The following RGS12 variants were observed in gnomAD, a reference collection of about 807,000 sequenced individuals.
RGS12 encodes the protein regulator of G-protein signaling 12.
Under a neutral mutation model 120.1 loss-of-function variants are expected in RGS12, and 66 were observed. The ratio of observed to expected loss-of-function variants is 0.55; its 90% CI spans 0.45 to 0.67. The LOEUF (loss-of-function observed/expected upper bound fraction) is 0.67, where lower values mean the gene tolerates loss of function less well. RGS12 is among the 30% of genes least tolerant of loss of function. The pLI is 0.00. For missense variants in RGS12, 1,859 were observed against 1,957.7 expected (o/e 0.95, Z 0.95); for synonymous variants, 827 against 804.7 (o/e 1.03, Z -0.47).
chr4:3,299,870 A>C (rs1309095065), intron 1 of RGS12, among the ~76,000 whole-genome samples: 1 of 152,122 alleles, frequency 6.6e-6, no homozygotes, highest in East Asian at 1.9e-4. Flanking sequence ...CCAGAGGCCC[A>C]TGACCCCTGG....
At chr4:3,432,005 C>G in intron 17 of RGS12, 1 of 985,462 alleles carries the variant, frequency 1.0e-6, no homozygotes. Context: ...ACAGCCAGGA[C>G]ACGCCTGGAT....
At chr4:3,343,964 C>T (rs969626591) in intron 3 of RGS12, among the ~76,000 whole-genome samples, 7 of 152,314 alleles carry the variant, frequency 4.6e-5, no homozygotes, top group Non-Finnish European at 7.3e-5. Flanking sequence ...GAGTATATGA[C>T]GATGATTGAT....
chr4:3,321,556 A>C (rs1351864726), intron 2 of RGS12, among the ~76,000 whole-genome samples: 1 of 152,188 alleles, frequency 6.6e-6, no homozygotes, highest in Non-Finnish European at 1.5e-5. Flanking sequence ...GTGCCCCGTT[A>C]GGCTACCCAG....
Position 3,430,684 on chromosome 4 carries a change from C to T in RGS12, c.3843C>T (p.Pro1281=), listed in dbSNP as rs1724182818. 1 of 1,581,008 alleles carries T rather than the reference C, an allele frequency of 6.3e-7. No individual in the cohort carries two copies. Among genetic ancestry groups the T allele is most frequent in the South Asian group, 1.2e-5 (1 of 86,146 alleles). The stretch of plus-strand genomic sequence containing the variant: ...CCAGCCCGGGCTCAGCCTCCAGCCC[C>T]CCTGGACCTCCTGGGACGACCCCCC... The part of the protein sequence containing the change: ...PSTSPGSASS[P]PGPPGTTPPG... The change falls in exon 17 of 18, where the codon CCC becomes CCT. Residue 1281 remains proline, a synonymous_variant. Transcript: ENST00000336727.
intron 2 of RGS12, among the ~76,000 whole-genome samples, chr4:3,340,322 C>G (rs1485432417): frequency 2.0e-5 from 3 of 152,238 alleles, no homozygotes; most frequent in Non-Finnish European, 4.4e-5. Flanking sequence ...GGGGGAGATT[C>G]CTCATGGCTG....
At chr4:3,382,229 T>C (rs912397422) in intron 3 of RGS12, among the ~76,000 whole-genome samples, 1 of 152,212 alleles carries the variant, frequency 6.6e-6, no homozygotes, top group African/African-American at 2.4e-5. Flanking sequence ...ATTGATGACA[T>C]AACTTCTAAA....
In RGS12 at chr4:3,423,639, C is replaced by A. The variant is rs1253983283; in HGVS notation, c.3232C>A (p.Leu1078Met). 4 of 1,606,918 alleles carry A rather than the reference C, an allele frequency of 2.5e-6. No individual in the cohort carries two copies. In the Admixed American group the frequency reaches 5.0e-5, roughly 20 times the overall value. ...GGACCTCAGTGGCCTGCTGGTGAGG[C>A]TGGTGAGTGTTGCACGGGGCCCGGG... Reference protein sequence around the residue: ...GLDLSGLLVRLSGEKEPLDLG... With the variant: ...GLDLSGLLVRMSGEKEPLDLG... Residue 1078 changes from leucine (L) to methionine (M), a missense_variant and splice_region_variant, in exon 13 of 18, where the codon CTG becomes ATG. By Grantham distance (15) the Leu-to-Met change is conservative. Around this residue, in one of 3 missense-constraint regions of RGS12, gnomAD observed 517 missense variants for 488.5 expected, o/e 1.06. Transcript: ENST00000336727.
chr4:3,311,084 G>C (rs971729900), intron 1 of RGS12, among the ~76,000 whole-genome samples: 1 of 152,176 alleles, frequency 6.6e-6, no homozygotes, highest in Admixed American at 6.5e-5. Context: ...ATTGCAGCCC[G>C]TGGGGTCACC....
chr4:3,362,868 GGT>G (rs747669926), intron 3 of RGS12, among the ~76,000 whole-genome samples: 1,498 of 121,676 alleles, frequency 0.012, 24 homozygotes, highest in African/African-American at 0.045. Flanking sequence ...TGTGTGCGAG[GGT>G]GTGTGTGTGT....
At chr4:3,391,255 C>A (rs1048542432) in intron 4 of RGS12, among the ~76,000 whole-genome samples, 5 of 152,212 alleles carry the variant, frequency 3.3e-5, no homozygotes, top group African/African-American at 1.2e-4. Context: ...AGGAGTCAGA[C>A]TGGAGATTTT....
intron 3 of RGS12, among the ~76,000 whole-genome samples, chr4:3,368,905 G>T (rs1054148020): frequency 6.6e-6 from 1 of 152,082 alleles, no homozygotes; most frequent in Non-Finnish European, 1.5e-5. Context: ...CATGCCTGTC[G>T]TACCTAATGT....
At chr4:3,396,889 A>G in intron 4 of RGS12, among the ~76,000 whole-genome samples, 1 of 151,034 alleles carries the variant, frequency 6.6e-6, no homozygotes, top group East Asian at 1.9e-4. Flanking sequence ...AGCCACATGC[A>G]GCCATTGACA....
At chr4:3,362,739 G>T (rs1037101950) in intron 3 of RGS12, among the ~76,000 whole-genome samples, 18 of 126,136 alleles carry the variant, frequency 1.4e-4, no homozygotes, top group Non-Finnish European at 2.8e-4. Flanking sequence ...GAGGATGTCT[G>T]TGTGAGGGTG....
chr4:3,400,682 GTATTAGTATTAGTAATACTAATTGCT>G (rs1240970311), intron 4 of RGS12, among the ~76,000 whole-genome samples: 3 of 148,398 alleles, frequency 2.0e-5, no homozygotes, highest in African/African-American at 7.4e-5. Flanking sequence ...ATTAGAATTA[GTATTAGTATTAGTAATACTAATTGCT>G]TATTAGTATT....
chr4:3,439,589 G>T lies in RGS12; in HGVS notation c.4249G>T (p.Gly1417Cys), dbSNP rs1358301279. The change falls in exon 18 of 18, where the codon GGT becomes TGT. Residue 1417 changes from glycine to cysteine, a missense_variant. Physicochemically the swap from Gly to Cys is radical, Grantham distance 159. Around this residue, in one of 3 missense-constraint regions of RGS12, gnomAD observed 517 missense variants for 488.5 expected, o/e 1.06. Transcript: ENST00000336727. ...QAGPGRSQAS[G>C]GPPTSDLPGL... is the part of the protein sequence containing the mutation. ...TGGCCCTGGGAGGTCGCAGGCCAGT[G>T]GTGGGCCTCCTACATCAGACCTCCC... 6.2e-7 allele frequency: 1 copy of T among 1,610,540 alleles called. No homozygotes were observed. Among genetic ancestry groups the T allele is most frequent in the Non-Finnish European group, 8.5e-7 (1 of 1,178,738 alleles).
At chr4:3,373,837 CT>C in intron 3 of RGS12, among the ~76,000 whole-genome samples, 1 of 152,374 alleles carries the variant, frequency 6.6e-6, no homozygotes, top group East Asian at 1.9e-4. Context: ...TTCTGACACT[CT>C]GAGTCTCGTC....
chr4:3,318,232 C>A (rs1724938734), intron 2 of RGS12, among the ~76,000 whole-genome samples, 181 bp downstream of exon 2: 2 of 152,246 alleles, frequency 1.3e-5, no homozygotes, highest in African/African-American at 4.8e-5. Context: ...CTTGCTGGGA[C>A]CTCTTGCCCC....
Position 3,316,582 on chromosome 4 carries a change from G to A in RGS12, c.412G>A (p.Val138Met), listed in dbSNP as rs1022988821. ...ALGINRAERV[V>M]EEMQSGGIFN... is the part of the protein sequence containing the mutation. ...AGGTATAAACAGAGCAGAGCGAGTC[G>A]TGGAGGAAATGCAGTCTGGTGGAAT... Residue 138 changes from valine to methionine, a missense_variant, in exon 2 of 18, where the codon GTG becomes ATG. Physicochemically the swap from Val to Met is conservative, Grantham distance 21 (BLOSUM62 1). Around this residue, in one of 3 missense-constraint regions of RGS12, gnomAD observed 967 missense variants for 994.2 expected, o/e 0.97. Coordinates refer to ENST00000336727, the MANE Select transcript of RGS12 (RefSeq NM_001394154.1). 73 of 1,614,150 alleles carry A rather than the reference G, an allele frequency of 4.5e-5. No homozygotes were observed. In the Admixed American group the frequency reaches 6.7e-4, roughly 15 times the overall value.
At chr4:3,315,514 G>T (rs1245044270) in intron 1 of RGS12, among the ~76,000 whole-genome samples, 1 of 152,188 alleles carries the variant, frequency 6.6e-6, no homozygotes, top group Non-Finnish European at 1.5e-5. Flanking sequence ...ATTAATGTGG[G>T]AGGGTCATGG....
Sources: gnomAD v4.1 joint callset for allele counts (sites outside exome capture counted in the v4.1 genomes callset) on GRCh38, gnomAD v4.1.1 for gene constraint, gnomAD v4.1.1 regional missense constraint, MANE v1.5 for transcripts, NCBI Gene and HGNC (gene_info 2026-07-23, HGNC 2026-07-21) for gene names.